EXOC2: variants seen among roughly 807,000 people sequenced by gnomAD.
The protein encoded by EXOC2 is exocyst complex component 2.
A neutral mutation model predicts 131.8 loss-of-function variants in EXOC2; 70 were observed. The ratio of observed to expected loss-of-function variants is 0.53; its 90% CI spans 0.44 to 0.65. The LOEUF (loss-of-function observed/expected upper bound fraction) is 0.65, where lower values mean the gene tolerates loss of function less well. Ranked by LOEUF, EXOC2 falls within the 30% of genes least tolerant of loss-of-function variation. The pLI is 0.00. For missense variants in EXOC2, 923 were observed against 1,108.6 expected, an observed-to-expected ratio of 0.83 and a Z score of 2.38; for synonymous variants, 411 against 398.4, an observed-to-expected ratio of 1.03 and a Z score of -0.38.
intron 27 of EXOC2, among the ~76,000 whole-genome samples, chr6:487,976 T>C (rs1006069489): frequency 6.6e-6 from 1 of 152,218 alleles, no homozygotes; most frequent in Non-Finnish European, 1.5e-5. Flanking sequence ...TTATCATATT[T>C]ATTTTAAAGA....
At chr6:626,354 T>A (rs921222243) in intron 4 of EXOC2, among the ~76,000 whole-genome samples, 1 of 152,056 alleles carries the variant, frequency 6.6e-6, no homozygotes, top group African/African-American at 2.4e-5. Context: ...ACCGGTAAAA[T>A]ATTTATTAAA....
At position 553,927 on chromosome 6, in the gene EXOC2, A is replaced by G. The variant is rs1415584369; in HGVS notation, c.2055-7T>C. The G allele has an allele frequency of 6.2e-7, 1 of 1,612,924 alleles. No homozygotes were observed. The highest frequency in any genetic ancestry group is 1.7e-5 in the Admixed American group (1 of 60,022). On this transcript the variant is annotated splice_polypyrimidine_tract_variant and splice_region_variant and intron_variant, in intron 20 of 27. Transcript: ENST00000230449. Reference sequence around the variant, plus strand: ...AGAAACATCAACAGAGAGACTGAACATAGAAGCAAGTAGGAACAGTTACAA... The same window carrying G: ...AGAAACATCAACAGAGAGACTGAACGTAGAAGCAAGTAGGAACAGTTACAA...
chr6:602,670 T>C (rs898326388), intron 7 of EXOC2, among the ~76,000 whole-genome samples: 2 of 152,232 alleles, frequency 1.3e-5, no homozygotes, highest in African/African-American at 4.8e-5. Flanking sequence ...GTCTGGAACT[T>C]GGTCCTTTCT....
At chr6:491,045 TC>T in intron 26 of EXOC2, 79 bp downstream of exon 26, 2 of 1,434,382 alleles carry the variant, frequency 1.4e-6, no homozygotes, top group Non-Finnish European at 2.0e-6. Context: ...TGATCAGTCA[TC>T]TTTACAGAGG....
chr6:610,240 A>G (rs1561922143), intron 6 of EXOC2, 62 bp from the exon 7 acceptor site: 5 of 1,360,728 alleles, frequency 3.7e-6, no homozygotes, highest in Non-Finnish European at 5.2e-6. Flanking sequence ...CATTAAATCA[A>G]AATGATATTT....
Position 491,132 on chromosome 6 carries a change from C to A in EXOC2, c.2614G>T (p.Glu872Ter). 6.2e-7 allele frequency: 1 copy of A among 1,614,092 alleles called. No individual in the cohort carries two copies. The highest frequency in any genetic ancestry group is 8.5e-7 in the Non-Finnish European group (1 of 1,180,000). The change falls in exon 26 of 28, where the codon GAA becomes TAA. Residue 872 changes from glutamate to a stop codon, truncating the protein, a stop_gained. Transcript: ENST00000230449. LOFTEE classifies it high-confidence loss of function. ...AAGAACACTGCCACTTACTTGCTTT[C>A]GGGTGTCAGGTAAACAGCCACAGTG... is the stretch of plus-strand genomic sequence containing the variant. Reference protein sequence around the residue: ...RDTVAVYLTPESKSSFKQALE... With the variant: ...RDTVAVYLTP
chr6:688,245 C>T (rs537297646), intron 1 of EXOC2, among the ~76,000 whole-genome samples: 4 of 152,282 alleles, frequency 2.6e-5, no homozygotes, highest in South Asian at 2.1e-4. Flanking sequence ...AGATAAGAAG[C>T]GGGTACTGAT....
intron 24 of EXOC2, among the ~76,000 whole-genome samples, chr6:498,941 A>T (rs1216088024): frequency 1.3e-5 from 2 of 152,156 alleles, no homozygotes; most frequent in East Asian, 1.9e-4. Context: ...TGAGTAACAA[A>T]TCCTGAAATG....
intron 11 of EXOC2, among the ~76,000 whole-genome samples, chr6:582,322 G>T (rs911290659): frequency 6.6e-6 from 1 of 152,100 alleles, no homozygotes; most frequent in Non-Finnish European, 1.5e-5. Flanking sequence ...ACGGAGCCAG[G>T]TGAGTAAGGT....
chr6:572,134 A>C (rs1758317792), intron 13 of EXOC2, among the ~76,000 whole-genome samples: 1 of 152,226 alleles, frequency 6.6e-6, no homozygotes, highest in African/African-American at 2.4e-5. Context: ...GCCGGCTGCC[A>C]AGGTGCTATC....
chr6:586,627 G>C (rs753966807), intron 11 of EXOC2, among the ~76,000 whole-genome samples: 8 of 152,206 alleles, frequency 5.3e-5, no homozygotes, highest in Non-Finnish European at 1.2e-4. Flanking sequence ...TCCCTTACCA[G>C]GGGAACGCTC....
intron 22 of EXOC2, among the ~76,000 whole-genome samples, chr6:544,074 A>G (rs1032986722): frequency 2.6e-5 from 4 of 152,158 alleles, no homozygotes; most frequent in Non-Finnish European, 4.4e-5. Flanking sequence ...AATTATCTAC[A>G]TTTTGTTGGC....
At chr6:662,425 T>A (rs1763463054) in intron 1 of EXOC2, among the ~76,000 whole-genome samples, 1 of 152,106 alleles carries the variant, frequency 6.6e-6, no homozygotes, top group Non-Finnish European at 1.5e-5. Flanking sequence ...CCTCAATAAA[T>A]TTAAGAAAAT....
At chr6:551,570 A>T (rs1041407325) in intron 21 of EXOC2, among the ~76,000 whole-genome samples, 1 of 152,110 alleles carries the variant, frequency 6.6e-6, no homozygotes, top group Admixed American at 6.5e-5. Flanking sequence ...TGCTCCACCC[A>T]CTGGAAGAGG....
chr6:589,209 C>T (rs559457757), intron 11 of EXOC2, among the ~76,000 whole-genome samples: 1 of 152,292 alleles, frequency 6.6e-6, no homozygotes, highest in Non-Finnish European at 1.5e-5. Flanking sequence ...TGACATTTGT[C>T]GAGCACCCGC....
In EXOC2 at chr6:516,323, A is replaced by C. The variant is rs1040018817; in HGVS notation, c.2380+16146T>G. The stretch of plus-strand genomic sequence containing the variant: ...CTGGAGGAGAGGGAAGACAGCTGCT[A>C]GGCCACGCGTACATGAAGATGATCC... On this transcript the variant is annotated intron_variant, in intron 23 of 27. Transcript: ENST00000230449. Among the ~76,000 whole-genome samples the C allele has an allele frequency of 5.9e-5, 9 of 152,160 alleles. 1 individual carries two copies. Among genetic ancestry groups the C allele is most frequent in the African/African-American group, 2.2e-4 (9 of 41,438 alleles).
Position 571,364 on chromosome 6 carries a change from T to C in EXOC2, c.1443+1156A>G, listed in dbSNP as rs897766783. Among the ~76,000 whole-genome samples the C allele has an allele frequency of 2.6e-5, 4 of 152,360 alleles. No homozygotes were observed. In the East Asian group the frequency reaches 7.7e-4, roughly 29 times the overall value. On this transcript the variant is annotated intron_variant, in intron 13 of 27. Transcript: ENST00000230449. ...TTACACATTTCTGTTTTTATGCACATAGTAAATTTTATAGGTTAGAAAACC... is the reference window on the plus strand; with the variant it reads ...TTACACATTTCTGTTTTTATGCACACAGTAAATTTTATAGGTTAGAAAACC...
In EXOC2 at chr6:599,191, T is replaced by G; in HGVS notation, c.777A>C (p.Glu259Asp). The G allele has an allele frequency of 2.5e-6, 4 of 1,607,932 alleles. No individual in the cohort carries two copies. The highest frequency in any genetic ancestry group is 3.4e-6 in the Non-Finnish European group (4 of 1,176,204). Residue 259 changes from glutamate (E) to aspartate (D), a missense_variant, in exon 8 of 28, where the codon GAA (glutamate) becomes GAC (aspartate). By Grantham distance (45) the Glu-to-Asp change is conservative. Coordinates refer to ENST00000230449, the MANE Select transcript of EXOC2 (RefSeq NM_018303.6). ...ASNTADTLFQ[E>D]VLGRKDKADS... ...CTGCCTTGTCTTTCCGACCTAATAC[T>G]TCTTGAAACAATGTGTCTGCAGTAT...
intron 9 of EXOC2, 22 bp downstream of exon 9, chr6:598,838 A>G (rs773784803): frequency 6.3e-7 from 1 of 1,579,466 alleles, no homozygotes; most frequent in South Asian, 1.2e-5. Flanking sequence ...GAGAAGATCT[A>G]AAAGTAATAC....
Sources: allele counts gnomAD v4.1 joint callset (sites outside exome capture counted in the v4.1 genomes callset), GRCh38; gene constraint gnomAD v4.1.1; transcripts MANE v1.5; gene names NCBI Gene and HGNC (gene_info 2026-07-23, HGNC 2026-07-21).